The following TCERG1L variants were observed in gnomAD, a reference collection of about 807,000 sequenced individuals.
The protein encoded by TCERG1L is transcription elongation regulator 1 like, also known as transcription elongation regulator 1-like protein.
In TCERG1L, 37 loss-of-function variants were observed where a neutral mutation model predicts 56.3. That is an observed-to-expected ratio of 0.66 (90% CI 0.51 to 0.87). The LOEUF is 0.87. TCERG1L is among the 40% of genes least tolerant of loss of function. TCERG1L has a pLI of 0.00. For missense variants in TCERG1L, 799 were observed against 774.2 expected (o/e 1.03, Z -0.38); for synonymous variants, 324 against 326.3 (o/e 0.99, Z 0.08).
Position 131,215,408 on chromosome 10 carries a change from A to G in TCERG1L, c.856+44851T>C, listed in dbSNP as rs531071068. On this transcript the variant is annotated intron_variant, in intron 4 of 11. Transcript: ENST00000368642. ...AAAATGTATATTTAAATAGAAATGG[A>G]AATTTTCAATCCAATCCAGTTTGAT... Among the ~76,000 whole-genome samples, 79 of 152,360 alleles carry G rather than the reference A, an allele frequency of 5.2e-4. 1 individual carries two copies. The Middle Eastern group carries it at 0.01, about 20-fold the overall frequency.
intron 4 of TCERG1L, among the ~76,000 whole-genome samples, chr10:131,211,309 C>T (rs978235027): frequency 1.6e-4 from 24 of 152,216 alleles, no homozygotes; most frequent in African/African-American, 4.6e-4. Context: ...GGATCAGATG[C>T]CTCACATCAG....
chr10:131,197,023 G>A (rs2918140), intron 4 of TCERG1L, among the ~76,000 whole-genome samples: 73,305 of 151,896 alleles, frequency 0.48, 19,136 homozygotes, highest in South Asian at 0.64. Flanking sequence ...GAGAGGAAGA[G>A]GCTGGGGAGT....
At chr10:131,228,164 C>T (rs1404319881) in intron 4 of TCERG1L, among the ~76,000 whole-genome samples, 1 of 151,216 alleles carries the variant, frequency 6.6e-6, no homozygotes, top group Non-Finnish European at 1.5e-5. Flanking sequence ...CGGAGTCTCC[C>T]CTCCGGACAG....
Position 131,124,245 on chromosome 10 carries a change from A to G in TCERG1L, c.1260-7311T>C, listed in dbSNP as rs537447383. On this transcript the variant is annotated intron_variant, in intron 8 of 11. Coordinates refer to ENST00000368642, the MANE Select transcript of TCERG1L (RefSeq NM_174937.4). ...CGCTGCCAGGCTCCTGAGCTGCGGG[A>G]GGCCCACCTAAGACCCACTAGCATC... Among the ~76,000 whole-genome samples the G allele has an allele frequency of 2.6e-5, 4 of 152,188 alleles. No homozygotes were observed. The East Asian group carries it at 7.8e-4, about 30-fold the overall frequency.
At chr10:131,137,400 G>A (rs538200918) in intron 7 of TCERG1L, among the ~76,000 whole-genome samples, 13 of 152,304 alleles carry the variant, frequency 8.5e-5, no homozygotes, top group Admixed American at 7.8e-4. Flanking sequence ...CGTCTCATTC[G>A]GAGGCACCGG....
At chr10:131,290,574 T>G (rs1283406657) in intron 3 of TCERG1L, among the ~76,000 whole-genome samples, 2 of 141,104 alleles carry the variant, frequency 1.4e-5, no homozygotes, top group African/African-American at 2.7e-5. Flanking sequence ...GAGGTTGCAG[T>G]GAGCTGAGAT....
At chr10:131,244,088 A>G (rs1846001925) in intron 4 of TCERG1L, among the ~76,000 whole-genome samples, 1 of 152,260 alleles carries the variant, frequency 6.6e-6, no homozygotes, top group African/African-American at 2.4e-5. Context: ...AGATCAAGAT[A>G]TCAACTGTGT....
intron 4 of TCERG1L, among the ~76,000 whole-genome samples, chr10:131,256,988 G>GAAA (rs1324002284): frequency 1.2e-3 from 85 of 72,888 alleles, no homozygotes; most frequent in East Asian, 2.5e-3. Flanking sequence ...AAGGAAGGAA[G>GAAA]GAAGGAAAGA....
At chr10:131,291,984 T>G (rs140768538) in intron 3 of TCERG1L, among the ~76,000 whole-genome samples, 6 of 152,222 alleles carry the variant, frequency 3.9e-5, no homozygotes, top group Non-Finnish European at 8.8e-5. Flanking sequence ...TATTTTCATA[T>G]GCTAATATTT....
chr10:131,182,419 A>C (rs1033893297), intron 4 of TCERG1L, among the ~76,000 whole-genome samples: 1 of 152,272 alleles, frequency 6.6e-6, no homozygotes, highest in Non-Finnish European at 1.5e-5. Context: ...TTTAAAAGAA[A>C]TAAACATTTA....
intron 3 of TCERG1L, among the ~76,000 whole-genome samples, chr10:131,284,908 T>G (rs1052952104): frequency 6.6e-6 from 1 of 152,092 alleles, no homozygotes. Context: ...CCTTTCCACA[T>G]AGGAAAGATG....
At chr10:131,221,811 C>T (rs1845735483) in intron 4 of TCERG1L, among the ~76,000 whole-genome samples, 2 of 152,200 alleles carry the variant, frequency 1.3e-5, no homozygotes, top group Admixed American at 6.5e-5. Flanking sequence ...GGAGAAGTGG[C>T]GTCTTTCTGC....
chr10:131,182,398 T>C (rs1845190428), intron 4 of TCERG1L, among the ~76,000 whole-genome samples: 1 of 152,218 alleles, frequency 6.6e-6, no homozygotes, highest in African/African-American at 2.4e-5. Context: ...AGGGCATTAG[T>C]AAGCAACTAA....
rs1309192767 is a variant in TCERG1L at position 131,147,057 on chromosome 10, C to T, written c.1035-397G>A. On this transcript the variant is annotated intron_variant, in intron 6 of 11. Coordinates refer to ENST00000368642, the MANE Select transcript of TCERG1L (RefSeq NM_174937.4). ...TCCGGCAATAGAGTAATTCGGAGAG[C>T]GGCTCCCTACACTTCCCCAGTTGAG... Among the ~76,000 whole-genome samples, 3 of 151,750 alleles carry T rather than the reference C, an allele frequency of 2.0e-5. No individual in the cohort carries two copies. In the South Asian group the frequency reaches 6.3e-4, roughly 32 times the overall value.
rs555047487 is a variant in TCERG1L at position 131,218,580 on chromosome 10, G to A, written c.856+41679C>T. Among the ~76,000 whole-genome samples the A allele has an allele frequency of 3.8e-3, 579 of 152,256 alleles. 4 individuals are homozygous for A. Among genetic ancestry groups the A allele is most frequent in the African/African-American group, 0.013 (547 of 41,546 alleles). ...GCGACCCTGGCTCACTGCAACCTCC[G>A]CTTCCCAAGTTCAAGCGATTCTCCT... On this transcript the variant is annotated intron_variant, in intron 4 of 11. Transcript: ENST00000368642.
intron 3 of TCERG1L, among the ~76,000 whole-genome samples, chr10:131,292,180 T>C (rs1024059968): frequency 2.0e-5 from 3 of 152,246 alleles, no homozygotes; most frequent in African/African-American, 4.8e-5. Context: ...ATCCAAGGAC[T>C]GGTAACAGTG....
At chr10:131,093,625 G>T (rs546937844) in intron 11 of TCERG1L, among the ~76,000 whole-genome samples, 1 of 152,116 alleles carries the variant, frequency 6.6e-6, no homozygotes, top group African/African-American at 2.4e-5. Flanking sequence ...CAGCCGCCCC[G>T]ATCACAGCTT....
chr10:131,271,512 C>G (rs1679663815), intron 3 of TCERG1L, among the ~76,000 whole-genome samples: 1 of 152,244 alleles, frequency 6.6e-6, no homozygotes, highest in South Asian at 2.1e-4. Flanking sequence ...TCTGACCACT[C>G]TGCCCAAGGG....
At chr10:131,153,092 G>A (rs1290163187) in intron 6 of TCERG1L, among the ~76,000 whole-genome samples, 1 of 152,142 alleles carries the variant, frequency 6.6e-6, no homozygotes, top group African/African-American at 2.4e-5. Context: ...AAGGGGTCCT[G>A]GGCAGGCATC....
Sources: allele counts gnomAD v4.1 joint callset (sites outside exome capture counted in the v4.1 genomes callset), GRCh38; gene constraint gnomAD v4.1.1; transcripts MANE v1.5; gene names NCBI Gene and HGNC (gene_info 2026-07-23, HGNC 2026-07-21).